MAGI2: variants seen among roughly 807,000 people sequenced by gnomAD.
The protein encoded by MAGI2 is membrane associated guanylate kinase, WW and PDZ domain containing 2, also known as membrane-associated guanylate kinase, WW and PDZ domain-containing protein 2.
A neutral mutation model predicts 133.3 loss-of-function variants in MAGI2; 35 were observed. The observed-to-expected ratio is 0.26, with a 90% CI of 0.20 to 0.35. The LOEUF (loss-of-function observed/expected upper bound fraction) is 0.35. MAGI2 is among the 10% of genes least tolerant of loss of function. The pLI is 1.00. For missense variants in MAGI2, 1,636 were observed against 1,863.4 expected, an observed-to-expected ratio of 0.88 and a Z score of 2.25; for synonymous variants, 729 against 710.6, an observed-to-expected ratio of 1.03 and a Z score of -0.41.
intron 2 of MAGI2, among the ~76,000 whole-genome samples, chr7:78,949,377 T>G (rs906334145): frequency 2.6e-5 from 4 of 152,152 alleles, no homozygotes; most frequent in African/African-American, 9.7e-5. Context: ...GAATTCTTCA[T>G]CTGGTAAAAA....
intron 2 of MAGI2, among the ~76,000 whole-genome samples, chr7:78,707,238 A>G (rs1818745349): frequency 6.6e-6 from 1 of 152,118 alleles, no homozygotes; most frequent in African/African-American, 2.4e-5. Flanking sequence ...AAGGGAAGGG[A>G]AAAAAATGAA....
chr7:78,145,126 G>T (rs957089206), intron 16 of MAGI2, among the ~76,000 whole-genome samples: 1 of 152,002 alleles, frequency 6.6e-6, no homozygotes, highest in Non-Finnish European at 1.5e-5. Flanking sequence ...TCTTTTGATT[G>T]AATTCTGGCT....
intron 2 of MAGI2, among the ~76,000 whole-genome samples, chr7:79,005,841 C>T (rs1807382637): frequency 1.3e-5 from 2 of 152,180 alleles, no homozygotes; most frequent in South Asian, 4.1e-4. Flanking sequence ...GCACTTTTCT[C>T]AACTTCCAGA....
At chr7:78,163,241 C>G (rs944017722) in intron 15 of MAGI2, among the ~76,000 whole-genome samples, 1 of 152,030 alleles carries the variant, frequency 6.6e-6, no homozygotes, top group Admixed American at 6.5e-5. Context: ...GAGTTCATGC[C>G]GTTCTCCTGT....
intron 3 of MAGI2, among the ~76,000 whole-genome samples, chr7:78,570,689 C>G (rs946568488): frequency 1.3e-5 from 2 of 152,114 alleles, no homozygotes; most frequent in Non-Finnish European, 2.9e-5. Context: ...AAAATTTGCT[C>G]AGTGATTACC....
At chr7:78,753,484 A>G (rs566987516) in intron 2 of MAGI2, among the ~76,000 whole-genome samples, 1 of 152,174 alleles carries the variant, frequency 6.6e-6, no homozygotes, top group Non-Finnish European at 1.5e-5. Context: ...AAGATATGAC[A>G]TATGGATCAC....
intron 1 of MAGI2, among the ~76,000 whole-genome samples, chr7:79,064,379 TCA>T (rs1814095552): frequency 6.6e-6 from 1 of 152,062 alleles, no homozygotes; most frequent in African/African-American, 2.4e-5. Context: ...AGCTCAAAGT[TCA>T]ATGACTTGCA....
chr7:79,014,764 A>T (rs193070419), intron 1 of MAGI2, among the ~76,000 whole-genome samples: 1 of 152,170 alleles, frequency 6.6e-6, no homozygotes. Context: ...TAAAACACTT[A>T]CTAAGATTAT....
intron 1 of MAGI2, among the ~76,000 whole-genome samples, chr7:79,359,093 G>T (rs953158709): frequency 6.6e-6 from 1 of 151,996 alleles, no homozygotes; most frequent in African/African-American, 2.4e-5. Context: ...AATGCTTCAA[G>T]AATTAACTAC....
At chr7:78,165,356 T>A (rs1319299297) in intron 15 of MAGI2, among the ~76,000 whole-genome samples, 4 of 152,196 alleles carry the variant, frequency 2.6e-5, no homozygotes, top group Non-Finnish European at 5.9e-5. Flanking sequence ...ATCCTTAGCA[T>A]GTACATTTAA....
At chr7:78,630,584 T>C (rs970428902) in intron 2 of MAGI2, among the ~76,000 whole-genome samples, 6 of 151,742 alleles carry the variant, frequency 4.0e-5, no homozygotes, top group Admixed American at 1.3e-4. Context: ...ACCTGGCTAA[T>C]TTTTGTAGTT....
chr7:79,142,383 T>A (rs1335272298), intron 1 of MAGI2, among the ~76,000 whole-genome samples: 1 of 152,206 alleles, frequency 6.6e-6, no homozygotes, highest in African/African-American at 2.4e-5. Context: ...ATTTATGTTG[T>A]TAAAATGATT....
At chr7:78,901,319 A>T (rs1254308515) in intron 2 of MAGI2, 3 of 152,232 alleles carry the variant, frequency 2.0e-5, no homozygotes, top group African/African-American at 7.2e-5. Context: ...TTTATAAAGC[A>T]GACAATATTA....
At chr7:78,869,544 G>A (rs1210719832) in intron 2 of MAGI2, among the ~76,000 whole-genome samples, 2 of 152,120 alleles carry the variant, frequency 1.3e-5, no homozygotes, top group African/African-American at 4.8e-5. Context: ...AATTTATAAA[G>A]GAAAGAAGTT....
chr7:79,294,327 C>A (rs937198750), intron 1 of MAGI2, among the ~76,000 whole-genome samples: 2 of 151,490 alleles, frequency 1.3e-5, no homozygotes, highest in Non-Finnish European at 2.9e-5. Context: ...TAGAAGGGTG[C>A]GAAAAATAGA....
chr7:79,102,007 T>G (rs1818028083), intron 1 of MAGI2, among the ~76,000 whole-genome samples: 1 of 152,102 alleles, frequency 6.6e-6, no homozygotes, highest in Non-Finnish European at 1.5e-5. Flanking sequence ...CTTACATTTG[T>G]TCATACAAAA....
At chr7:78,218,225 G>A (rs1183420636) in intron 10 of MAGI2, among the ~76,000 whole-genome samples, 1 of 152,234 alleles carries the variant, frequency 6.6e-6, no homozygotes, top group Non-Finnish European at 1.5e-5. Flanking sequence ...TTACAAGTCT[G>A]TGGCATGTTG....
intron 9 of MAGI2, among the ~76,000 whole-genome samples, chr7:78,288,902 G>A (rs564058558): frequency 3.3e-5 from 5 of 152,080 alleles, no homozygotes; most frequent in South Asian, 2.1e-4. Flanking sequence ...ACTGTTAGAA[G>A]GAAAACTAAC....
intron 1 of MAGI2, among the ~76,000 whole-genome samples, chr7:79,367,593 C>T (rs911350267): frequency 5.9e-5 from 9 of 151,760 alleles, no homozygotes; most frequent in Non-Finnish European, 1.0e-4. Flanking sequence ...ATAGTGTTTG[C>T]AACAGTAATG....
Sources: allele counts gnomAD v4.1 joint callset (sites outside exome capture counted in the v4.1 genomes callset), GRCh38; gene constraint gnomAD v4.1.1; transcripts MANE v1.5; gene names NCBI Gene and HGNC (gene_info 2026-07-23, HGNC 2026-07-21).